The following XKR6 variants were observed in gnomAD, a reference collection of about 807,000 sequenced individuals.
XKR6 encodes XK-related protein 6.
A neutral mutation model predicts 56.7 loss-of-function variants in XKR6; 22 were observed. The ratio of observed to expected loss-of-function variants is 0.39; its 90% CI spans 0.28 to 0.55. The LOEUF is 0.55. Ranked by LOEUF, XKR6 falls within the 20% of genes least tolerant of loss-of-function variation. The pLI, the probability that XKR6 is intolerant of heterozygous loss-of-function variation, is 0.66. For synonymous variants in XKR6, 524 were observed against 387.8 expected, an observed-to-expected ratio of 1.35 and a Z score of -4.13; for missense variants, 852 against 889.0, an observed-to-expected ratio of 0.96 and a Z score of 0.53.
At chr8:11,190,204 A>AAAAGAAAG (rs34031400) in intron 1 of XKR6, among the ~76,000 whole-genome samples, 1,672 of 120,938 alleles carry the variant, frequency 0.014, 30 homozygotes, top group African/African-American at 0.052. Context: ...AGAAAGAAAG[A>AAAAGAAAG]AAAGAAAGAA....
intron 1 of XKR6, among the ~76,000 whole-genome samples, chr8:11,049,786 G>A (rs1255149001): frequency 1.3e-5 from 2 of 152,184 alleles, no homozygotes; most frequent in Admixed American, 6.5e-5. Flanking sequence ...AATCTGTTGG[G>A]CAGAATTTTT....
intron 1 of XKR6, chr8:11,106,520 C>A (rs1475130511): frequency 2.0e-5 from 3 of 152,262 alleles, no homozygotes; most frequent in African/African-American, 7.2e-5. Flanking sequence ...CCAGTGGAGA[C>A]AACTGTCATC....
At chr8:10,962,140 C>G (rs770956794) in intron 1 of XKR6, among the ~76,000 whole-genome samples, 31 of 152,322 alleles carry the variant, frequency 2.0e-4, no homozygotes, top group Non-Finnish European at 3.2e-4. Flanking sequence ...AATGGCCCCT[C>G]CTAGAAGCAC....
intron 1 of XKR6, among the ~76,000 whole-genome samples, chr8:11,103,488 C>T (rs1453497415): frequency 6.6e-6 from 1 of 152,152 alleles, no homozygotes; most frequent in Admixed American, 6.5e-5. Context: ...GGAAAAACTA[C>T]CTGACAATGA....
rs984457270 is a variant in XKR6, at chr8:10,988,850, G to C, written c.765-64020C>G. 9.2e-5 allele frequency among the ~76,000 whole-genome samples: 14 copies of C among 152,348 alleles called. 1 individual carries two copies. Among genetic ancestry groups the C allele is most frequent in the African/African-American group, 3.1e-4 (13 of 41,582 alleles). On this transcript the variant is annotated intron_variant, in intron 1 of 2. Transcript: ENST00000416569. ...TGGATTCTATCAGAGGCCTGCTGCG[G>C]AGTTAAGGTGCAGATTCCCTTTGCT...
At chr8:11,093,950 A>AT (rs761936933) in intron 1 of XKR6, among the ~76,000 whole-genome samples, 7 of 151,762 alleles carry the variant, frequency 4.6e-5, no homozygotes, top group Non-Finnish European at 8.8e-5. Flanking sequence ...CGCCAGACTA[A>AT]TTTTTTGTAT....
chr8:10,957,971 T>C (rs1214583415), intron 1 of XKR6, among the ~76,000 whole-genome samples: 5 of 152,164 alleles, frequency 3.3e-5, no homozygotes, highest in South Asian at 2.1e-4. Context: ...AATTAAACTT[T>C]GGTACTTTCT....
chr8:11,159,162 C>T (rs1219323186), intron 1 of XKR6, among the ~76,000 whole-genome samples: 1 of 152,240 alleles, frequency 6.6e-6, no homozygotes, highest in Non-Finnish European at 1.5e-5. Context: ...TACACATCAG[C>T]TGTTACTAAC....
At chr8:11,146,700 G>T (rs910984790) in intron 1 of XKR6, among the ~76,000 whole-genome samples, 2 of 150,616 alleles carry the variant, frequency 1.3e-5, no homozygotes, top group Non-Finnish European at 2.9e-5. Flanking sequence ...ATATTATTAT[G>T]AGAATGATAT....
rs1403502973 is a variant in XKR6, at chr8:11,081,811, G to A, written c.764+118765C>T. Among the ~76,000 whole-genome samples the A allele has an allele frequency of 2.0e-5, 3 of 152,216 alleles. No individual in the cohort carries two copies. The South Asian group carries it at 6.2e-4, about 32-fold the overall frequency. ...TTCTGCAAGTGTTCATTAGGAATCA[G>A]TGGAATTTCCACTGTTTCCCTGGTG... On this transcript the variant is annotated intron_variant, in intron 1 of 2. Coordinates refer to ENST00000416569, the MANE Select transcript of XKR6 (RefSeq NM_173683.4).
intron 1 of XKR6, among the ~76,000 whole-genome samples, chr8:10,978,832 G>A (rs1797656698): frequency 6.6e-6 from 1 of 152,182 alleles, no homozygotes; most frequent in Non-Finnish European, 1.5e-5. Context: ...TTCTCCCTTG[G>A]AAACTTCAGT....
chr8:11,052,631 G>C (rs2129160352), intron 1 of XKR6, among the ~76,000 whole-genome samples: 1 of 152,168 alleles, frequency 6.6e-6, no homozygotes, highest in Non-Finnish European at 1.5e-5. Flanking sequence ...CCAGAGCCCA[G>C]TTCTCTCTCC....
chr8:11,032,130 G>T (rs1360348084), intron 1 of XKR6, among the ~76,000 whole-genome samples: 2 of 152,224 alleles, frequency 1.3e-5, no homozygotes, highest in East Asian at 3.9e-4. Flanking sequence ...CCCTCTGGGA[G>T]AATCTTGCCT....
At chr8:11,189,540 CCTTCTTTTATCCATTCCGCCCCTCTAAAT>C (rs1803440292) in intron 1 of XKR6, among the ~76,000 whole-genome samples, 1 of 152,186 alleles carries the variant, frequency 6.6e-6, no homozygotes, top group Admixed American at 6.5e-5. Context: ...CACCTGAGGA[CCTTCTTTTATCCATTCCGCCCCTCTAAAT>C]CTAAGATGCC....
intron 1 of XKR6, among the ~76,000 whole-genome samples, chr8:11,167,278 C>G (rs1220867804): frequency 6.6e-6 from 1 of 152,228 alleles, no homozygotes; most frequent in East Asian, 1.9e-4. Flanking sequence ...AGCTTTACGG[C>G]ATTCTTATTT....
At chr8:11,159,097 G>T (rs1340744827) in intron 1 of XKR6, among the ~76,000 whole-genome samples, 3 of 152,158 alleles carry the variant, frequency 2.0e-5, no homozygotes, top group Admixed American at 1.3e-4. Flanking sequence ...CCTTGAGACA[G>T]GTGGACATTA....
At chr8:11,013,605 G>A (rs1032568026) in intron 1 of XKR6, among the ~76,000 whole-genome samples, 3 of 152,130 alleles carry the variant, frequency 2.0e-5, no homozygotes, top group African/African-American at 7.2e-5. Flanking sequence ...AAAAATTGCA[G>A]TGCCTAGATC....
intron 2 of XKR6, among the ~76,000 whole-genome samples, chr8:10,923,928 G>A (rs1185947487): frequency 2.0e-5 from 3 of 152,222 alleles, no homozygotes; most frequent in Non-Finnish European, 2.9e-5. Flanking sequence ...GAATACTCCA[G>A]TTGATGATAA....
Position 11,033,883 on chromosome 8 carries a change from T to G in XKR6, c.765-109053A>C, listed in dbSNP as rs1020780397. ...TATACTAGACATGGAGAGCCACCCA[T>G]ACAATCCAGCTCTCTCATTTTACAA... On this transcript the variant is annotated intron_variant, in intron 1 of 2. Coordinates refer to ENST00000416569, the MANE Select transcript of XKR6 (RefSeq NM_173683.4). 2.0e-5 allele frequency among the ~76,000 whole-genome samples: 3 copies of G among 152,152 alleles called. No individual in the cohort carries two copies. In the South Asian group the frequency reaches 6.2e-4, roughly 32 times the overall value.
Sources: gnomAD v4.1 joint callset for allele counts (sites outside exome capture counted in the v4.1 genomes callset) on GRCh38, gnomAD v4.1.1 for gene constraint, MANE v1.5 for transcripts, NCBI Gene and HGNC (gene_info 2026-07-23, HGNC 2026-07-21) for gene names.